The following ANO2 variants were observed in gnomAD, a reference collection of about 807,000 sequenced individuals.
ANO2 encodes the protein anoctamin-2.
A neutral mutation model predicts 124.2 loss-of-function variants in ANO2; 101 were observed. The observed-to-expected ratio is 0.81, with a 90% confidence interval of 0.69 to 0.96. ANO2 has a LOEUF of 0.96. Among genes scored for constraint, ANO2 ranks in the 40% least tolerant of loss-of-function variants. The pLI, the probability that ANO2 is intolerant of heterozygous loss-of-function variation, is 0.00. For missense variants in ANO2, 1,293 were observed against 1,274.5 expected (o/e 1.01, Z -0.22); for synonymous variants, 486 against 482.5 (o/e 1.01, Z -0.09).
rs1940093161 is a variant in ANO2, at chr12:5,900,236, C to T, written c.534+20804G>A. The stretch of plus-strand genomic sequence containing the variant: ...GAGGATGGAGAGGCACCACTATGCC[C>T]AGCTTCATCTTCTAGCTCTGGCTCA... On this transcript the variant is annotated intron_variant, in intron 3 of 24. Coordinates refer to ENST00000682330, the MANE Select transcript of ANO2 (RefSeq NM_001364791.2). The surrounding 1 kb of genome is among the most constrained non-coding windows in gnomAD (Gnocchi z 4.2). Among the ~76,000 whole-genome samples, 2 of 152,138 alleles carry T rather than the reference C, an allele frequency of 1.3e-5. No homozygotes were observed. Among genetic ancestry groups the T allele is most frequent in the Non-Finnish European group, 2.9e-5 (2 of 68,020 alleles).
chr12:5,799,021 G>A (rs1014187866), intron 10 of ANO2, among the ~76,000 whole-genome samples: 1 of 152,198 alleles, frequency 6.6e-6, no homozygotes, highest in African/African-American at 2.4e-5. Context: ...GAAACCCAGG[G>A]CCTAGTCTCT....
intron 14 of ANO2, among the ~76,000 whole-genome samples, chr12:5,728,066 A>G (rs1167753739): frequency 6.6e-6 from 1 of 152,102 alleles, no homozygotes; most frequent in Non-Finnish European, 1.5e-5. Context: ...TCGGCCTCTC[A>G]AGGTGCTGGG....
intron 14 of ANO2, among the ~76,000 whole-genome samples, chr12:5,719,869 G>C (rs577296928): frequency 6.6e-6 from 1 of 152,264 alleles, no homozygotes; most frequent in South Asian, 2.1e-4. Context: ...GATTGACCAA[G>C]CACCCCTTCT....
intron 10 of ANO2, among the ~76,000 whole-genome samples, chr12:5,768,024 A>G (rs947786612): frequency 2.0e-5 from 3 of 152,164 alleles, no homozygotes; most frequent in Admixed American, 1.3e-4. Context: ...CTGTGTACCG[A>G]GATGTGTCCC....
chr12:5,570,165 A>G (rs992316244), intron 23 of ANO2, among the ~76,000 whole-genome samples: 2 of 152,238 alleles, frequency 1.3e-5, no homozygotes, highest in East Asian at 3.8e-4. Flanking sequence ...ACATTGATTG[A>G]ATTGAGTTTG....
chr12:5,614,645 C>T (rs1944706791), intron 17 of ANO2, among the ~76,000 whole-genome samples: 1 of 152,146 alleles, frequency 6.6e-6, no homozygotes, highest in Admixed American at 6.5e-5. Context: ...GTAAGTATAG[C>T]ACATTTCTGA....
At chr12:5,824,421 T>C (rs541172754) in intron 7 of ANO2, among the ~76,000 whole-genome samples, 69 of 152,316 alleles carry the variant, frequency 4.5e-4, no homozygotes, top group Non-Finnish European at 8.1e-4. Flanking sequence ...TCTACTGATA[T>C]CTAGGGCAGG....
At chr12:5,697,085 C>G (rs1046524173) in intron 14 of ANO2, among the ~76,000 whole-genome samples, 1 of 152,156 alleles carries the variant, frequency 6.6e-6, no homozygotes, top group Non-Finnish European at 1.5e-5. Context: ...TTATTCAACA[C>G]TGTACTAAAG....
In ANO2 at chr12:5,749,828, G is replaced by A. The variant is rs142488329; in HGVS notation, c.1190+1008C>T. On this transcript the variant is annotated intron_variant, in intron 11 of 24. Transcript: ENST00000682330. Reference sequence around the variant, plus strand: ...CTTACAACACTATGACTTAGGCGTCGCGATTACCATTTTACAGCCAAGAAT... The same window carrying A: ...CTTACAACACTATGACTTAGGCGTCACGATTACCATTTTACAGCCAAGAAT... 1.3e-3 allele frequency among the ~76,000 whole-genome samples: 195 copies of A among 152,142 alleles called. 2 individuals are homozygous for A. The highest frequency in any genetic ancestry group is 3.2e-3 in the Admixed American group (49 of 15,294).
Position 5,850,379 on chromosome 12 carries a change from G to A in ANO2, c.633+3664C>T, listed in dbSNP as rs1954841255. The stretch of plus-strand genomic sequence containing the variant: ...TGCAGTGAGCCGAGATTGCACCACT[G>A]CACTCCAGCCTGGGTGACAGAGGGA... On this transcript the variant is annotated intron_variant, in intron 4 of 24. Coordinates refer to ENST00000682330, the MANE Select transcript of ANO2 (RefSeq NM_001364791.2). 3.6e-5 allele frequency among the ~76,000 whole-genome samples: 5 copies of A among 138,640 alleles called. 1 individual carries two copies. The South Asian group carries it at 1.1e-3, about 31-fold the overall frequency. The allele number at this position is 138,640 out of a possible 152,430, so 91.0% of individuals were successfully genotyped here.
chr12:5,595,088 T>C (rs1271365928), intron 20 of ANO2, among the ~76,000 whole-genome samples: 2 of 152,208 alleles, frequency 1.3e-5, no homozygotes, highest in Non-Finnish European at 2.9e-5. Context: ...TCTTGTAAAG[T>C]TATTATTATA....
upstream of ANO2, chr12:5,945,311 C>G (rs549294723): frequency 1.9e-6 from 2 of 1,066,182 alleles, no homozygotes; most frequent in Admixed American, 1.1e-4. Context: ...CAGCTCCGTC[C>G]CGGCGCGCCC....
intron 14 of ANO2, among the ~76,000 whole-genome samples, chr12:5,721,497 G>C (rs924064690): frequency 7.7e-6 from 1 of 129,886 alleles, no homozygotes; most frequent in African/African-American, 3.1e-5. Flanking sequence ...TTTTGGTTTT[G>C]GGTTTTTTTT....
chr12:5,767,830 C>T (rs1468397170), intron 10 of ANO2, among the ~76,000 whole-genome samples: 1 of 152,146 alleles, frequency 6.6e-6, no homozygotes, highest in African/African-American at 2.4e-5. Flanking sequence ...GGCCCACAGG[C>T]TGTGGCTGGG....
intron 14 of ANO2, among the ~76,000 whole-genome samples, chr12:5,648,610 C>T (rs1419970823): frequency 1.3e-5 from 2 of 152,208 alleles, no homozygotes; most frequent in Non-Finnish European, 2.9e-5. Flanking sequence ...TGGTAAACAG[C>T]TCTGCTAATT....
chr12:5,639,259 G>A (rs1170851413), intron 15 of ANO2, among the ~76,000 whole-genome samples: 1 of 152,134 alleles, frequency 6.6e-6, no homozygotes, highest in Admixed American at 6.5e-5. Context: ...ATACAGGCAC[G>A]CGCACACACT....
chr12:5,786,040 G>A (rs1179785118), intron 10 of ANO2, among the ~76,000 whole-genome samples: 1 of 151,644 alleles, frequency 6.6e-6, no homozygotes, highest in Admixed American at 6.6e-5. Context: ...GGGAGAGGCT[G>A]GGGGTGAGAG....
chr12:5,574,952 C>T (rs1269913028), intron 23 of ANO2, among the ~76,000 whole-genome samples: 1 of 152,102 alleles, frequency 6.6e-6, no homozygotes, highest in Non-Finnish European at 1.5e-5. Flanking sequence ...ACTGTATTTC[C>T]TTTATTAATC....
intron 14 of ANO2, among the ~76,000 whole-genome samples, chr12:5,655,536 C>T (rs1947111977): frequency 1.3e-5 from 2 of 152,180 alleles, no homozygotes; most frequent in African/African-American, 4.8e-5. Flanking sequence ...TATTAACTCT[C>T]TTAAACCATT....
Sources: gnomAD v4.1 joint callset for allele counts (sites outside exome capture counted in the v4.1 genomes callset) on GRCh38, gnomAD v4.1.1 for gene constraint, Gnocchi (gnomAD v3.1) non-coding constraint, MANE v1.5 for transcripts, NCBI Gene and HGNC (gene_info 2026-07-23, HGNC 2026-07-21) for gene names.